PTCD1: variants seen among roughly 807,000 people sequenced by gnomAD.
PTCD1 encodes pentatricopeptide repeat domain 1.
Under a neutral mutation model 53.4 loss-of-function variants are expected in PTCD1, and 50 were observed. That is an observed-to-expected ratio of 0.94 (90% confidence interval 0.75 to 1.19). The LOEUF (loss-of-function observed/expected upper bound fraction) is 1.19, where lower values mean the gene tolerates loss of function less well. PTCD1 is among the 50% of genes most tolerant of loss of function. PTCD1 has a pLI of 0.00. For missense variants in PTCD1, 918 were observed against 904.8 expected, an observed-to-expected ratio of 1.01 and a Z score of -0.19; for synonymous variants, 413 against 394.8, an observed-to-expected ratio of 1.05 and a Z score of -0.55.
At position 99,418,087 on chromosome 7, in the gene PTCD1, C is replaced by T. The variant is rs1229687497; in HGVS notation, c.*1880G>A. The T allele has an allele frequency of 4.3e-6, 3 of 696,490 alleles. No individual in the cohort carries two copies. The highest frequency in any genetic ancestry group is 3.7e-6 in the Non-Finnish European group (2 of 537,196). 43.1% of individuals were successfully genotyped at this position (696,490 alleles called of 1,614,324 possible). ...GGTTCAAGCGGTTCTCCTGCCTCAT[C>T]CTCCTGAGTAGCTGGGACTACAGGC... On this transcript the variant is annotated 3_prime_UTR_variant, in exon 8 of 8. Coordinates refer to ENST00000292478, the MANE Select transcript of PTCD1 (RefSeq NM_015545.4).
intron 3 of PTCD1, chr7:99,433,071 T>C (rs202084682): frequency 1.4e-6 from 1 of 704,692 alleles, no homozygotes; most frequent in African/African-American, 1.8e-5. Context: ...AAAGGGAACA[T>C]GGGGACCGCC....
At chr7:99,430,909 C>T (rs1796226455) in intron 3 of PTCD1, among the ~76,000 whole-genome samples, 1 of 151,824 alleles carries the variant, frequency 6.6e-6, no homozygotes, top group Admixed American at 6.6e-5. Flanking sequence ...CCGTCTTCTA[C>T]AAAAAACACA....
rs758864670 is a variant in PTCD1, at chr7:99,425,302, G to C, written c.1230C>G (p.Ala410=). ...EPPEARVPGK[A]QPEVDTKAEP... Reference sequence around the variant, plus strand: ...CTGCCTTAGTATCCACCTCTGGTTGGGCCTTGCCGGGCACTCTGGCTTCCG... The same window carrying C: ...CTGCCTTAGTATCCACCTCTGGTTGCGCCTTGCCGGGCACTCTGGCTTCCG... Residue 410 remains alanine, a synonymous_variant, in exon 6 of 8, where the codon GCC becomes GCG. Coordinates refer to ENST00000292478, the MANE Select transcript of PTCD1 (RefSeq NM_015545.4). 1.9e-6 allele frequency: 3 copies of C among 1,614,120 alleles called. No individual in the cohort carries two copies. The highest frequency in any genetic ancestry group is 1.1e-5 in the South Asian group (1 of 91,076).
intron 5 of PTCD1, among the ~76,000 whole-genome samples, chr7:99,426,811 A>C (rs1261369591): frequency 6.8e-6 from 1 of 147,224 alleles, no homozygotes; most frequent in Non-Finnish European, 1.5e-5. Context: ...AGATGTGGGG[A>C]GCGCCTCTGC....
intron 2 of PTCD1, among the ~76,000 whole-genome samples, chr7:99,434,356 G>C (rs1224362071): frequency 2.6e-5 from 4 of 152,080 alleles, no homozygotes; most frequent in Non-Finnish European, 5.9e-5. Flanking sequence ...TGAGATGGGA[G>C]AATTGCTTGA....
chr7:99,423,661 G>T, intron 7 of PTCD1, 114 bp downstream of exon 7: 1 of 1,552,670 alleles, frequency 6.4e-7, no homozygotes, highest in Non-Finnish European at 8.8e-7. Context: ...GAAGCTGCTG[G>T]ACAGTTTCAA....
At chr7:99,431,271 A>G (rs1796239448) in intron 3 of PTCD1, among the ~76,000 whole-genome samples, 1 of 151,610 alleles carries the variant, frequency 6.6e-6, no homozygotes, top group Admixed American at 6.6e-5. Flanking sequence ...CTGGGACTAC[A>G]GGTACGTGCC....
At chr7:99,424,463 T>C (rs1195187343) in intron 6 of PTCD1, among the ~76,000 whole-genome samples, 1 of 152,214 alleles carries the variant, frequency 6.6e-6, no homozygotes, top group African/African-American at 2.4e-5. Flanking sequence ...CTTTGAAAAC[T>C]GCCCACGGCC....
intron 5 of PTCD1, 136 bp downstream of exon 5, chr7:99,428,967 G>A: frequency 9.3e-7 from 1 of 1,071,326 alleles, no homozygotes; most frequent in South Asian, 1.4e-5. Context: ...AGGCTACAGT[G>A]GCTGCTGGGT....
intron 1 of PTCD1, 52 bp from the exon 2 acceptor site, chr7:99,435,320 A>G: frequency 6.3e-7 from 1 of 1,590,644 alleles, no homozygotes; most frequent in Non-Finnish European, 8.5e-7. Flanking sequence ...TAGTAACAAA[A>G]GGCAGAAAGA....
Position 99,425,619 on chromosome 7 carries a change from G to C in PTCD1, c.916-3C>G, listed in dbSNP as rs963139097. ...AGACTCAGCATCAGCCGCCACACCT[G>C]CCACGGAAGAGACAAACGTCAGCTG... On this transcript the variant is annotated splice_region_variant and splice_polypyrimidine_tract_variant and intron_variant, in intron 5 of 7. Transcript: ENST00000292478. The C allele has an allele frequency of 6.2e-7, 1 of 1,607,072 alleles. No homozygotes were observed. Among genetic ancestry groups the C allele is most frequent in the Non-Finnish European group, 8.5e-7 (1 of 1,178,064 alleles).
intron 1 of PTCD1, 195 bp downstream of exon 1, chr7:99,438,497 G>A: frequency 2.7e-6 from 3 of 1,103,262 alleles, no homozygotes; most frequent in Non-Finnish European, 3.3e-6. Flanking sequence ...GTCCTTCCTC[G>A]GAGAGACCCG....
At position 99,419,124 on chromosome 7, in the gene PTCD1, T is replaced by C; in HGVS notation, c.*843A>G. Reference sequence around the variant, plus strand: ...ATAACGAGACTCATTCACACCGATTTCTTTTTCTTGATTGGCAAACGTGTG... The same window carrying C: ...ATAACGAGACTCATTCACACCGATTCCTTTTTCTTGATTGGCAAACGTGTG... On this transcript the variant is annotated 3_prime_UTR_variant, in exon 8 of 8. Transcript: ENST00000292478. 1.9e-6 allele frequency: 1 copy of C among 533,870 alleles called. No individual in the cohort carries two copies. Among genetic ancestry groups the C allele is most frequent in the South Asian group, 2.1e-5 (1 of 47,122 alleles). The allele number at this position is 533,870 out of a possible 1,614,324, so 33.1% of individuals were successfully genotyped here.
In PTCD1 at chr7:99,435,256, G is replaced by T. The variant is rs1445064279; in HGVS notation, c.-14C>A. On this transcript the variant is annotated 5_prime_UTR_variant, in exon 2 of 8. Transcript: ENST00000292478. ...CACGAAGTCCATTTCTGGCTTTCCT[G>T]TCCCTCCAGGGCCTGGAATATATCA... is the stretch of plus-strand genomic sequence containing the variant. 6.2e-7 allele frequency: 1 copy of T among 1,600,820 alleles called. No homozygotes were observed. The highest frequency in any genetic ancestry group is 1.1e-5 in the South Asian group (1 of 91,078).
intron 1 of PTCD1, among the ~76,000 whole-genome samples, chr7:99,437,420 T>C (rs1313824284): frequency 6.6e-6 from 1 of 151,956 alleles, no homozygotes; most frequent in Non-Finnish European, 1.5e-5. Context: ...TTCTCCTGCC[T>C]CAGCCTCCCC....
chr7:99,436,979 C>T (rs1796492005), intron 1 of PTCD1, among the ~76,000 whole-genome samples: 2 of 152,322 alleles, frequency 1.3e-5, no homozygotes, highest in South Asian at 4.1e-4. Flanking sequence ...ATCCTCCTAC[C>T]TCAGCCTCTC....
In PTCD1 at chr7:99,419,478, G is replaced by C. The variant is rs1202189639; in HGVS notation, c.*489C>G. 3.7e-6 allele frequency: 6 copies of C among 1,607,300 alleles called. No homozygotes were observed. Among genetic ancestry groups the C allele is most frequent in the Non-Finnish European group, 5.1e-6 (6 of 1,179,226 alleles). On this transcript the variant is annotated 3_prime_UTR_variant, in exon 8 of 8. Coordinates refer to ENST00000292478, the MANE Select transcript of PTCD1 (RefSeq NM_015545.4). Reference sequence around the variant, plus strand: ...TCCACCCTGGACTCTGGACTTCGCAGGTTCCTGCCTGTCACGCCACCCCCT... The same window carrying C: ...TCCACCCTGGACTCTGGACTTCGCACGTTCCTGCCTGTCACGCCACCCCCT...
In PTCD1 at chr7:99,419,020, C is replaced by G. The variant is rs565773828; in HGVS notation, c.*947G>C. On this transcript the variant is annotated 3_prime_UTR_variant, in exon 8 of 8. Coordinates refer to ENST00000292478, the MANE Select transcript of PTCD1 (RefSeq NM_015545.4). The stretch of plus-strand genomic sequence containing the variant: ...CTTCCCCCACCAGAGTGTACCAGCC[C>G]AGAGGCCCCCCTGAAGTCCCCAAAC... 3.7e-6 allele frequency: 1 copy of G among 273,252 alleles called. No individual in the cohort carries two copies. Among genetic ancestry groups the G allele is most frequent in the South Asian group, 3.7e-5 (1 of 27,146 alleles). The allele number at this position is 273,252 out of a possible 1,614,324, so 16.9% of individuals were successfully genotyped here. A position where few individuals can be genotyped will look rare whatever the true frequency, so the allele number is the denominator to read the frequency against.
intron 6 of PTCD1, 122 bp from the exon 7 acceptor site, chr7:99,424,079 G>A (rs1795930025): frequency 1.5e-6 from 2 of 1,375,682 alleles, no homozygotes; most frequent in Non-Finnish European, 2.0e-6. Flanking sequence ...GGCAAACTTG[G>A]CAGCAACAAT....
Sources: gnomAD v4.1 joint callset for allele counts (sites outside exome capture counted in the v4.1 genomes callset) on GRCh38, gnomAD v4.1.1 for gene constraint, MANE v1.5 for transcripts, NCBI Gene and HGNC (gene_info 2026-07-23, HGNC 2026-07-21) for gene names.